The following HS6ST2 variants were observed in gnomAD, a reference collection of about 807,000 sequenced individuals.
The protein encoded by HS6ST2 is heparan sulfate 6-O-sulfotransferase 2, also known as heparan-sulfate 6-O-sulfotransferase 2.
A neutral mutation model predicts 33.0 loss-of-function variants in HS6ST2; 17 were observed. The observed-to-expected ratio is 0.52, with a 90% CI of 0.35 to 0.77. The LOEUF (loss-of-function observed/expected upper bound fraction) is 0.77. Ranked by LOEUF, HS6ST2 falls within the 30% of genes least tolerant of loss-of-function variation. The probability of loss-of-function intolerance (pLI) is 0.01; values close to 1 mark genes in which losing one functional copy is unlikely to be tolerated. For synonymous variants in HS6ST2, 248 were observed against 237.1 expected (o/e 1.05, Z -0.42); for missense variants, 519 against 551.7 (o/e 0.94, Z 0.59).
chrX:132,956,728 C>A, intron 2 of HS6ST2, 80 bp downstream of exon 2: 1 of 1,066,548 alleles, frequency 9.4e-7, no homozygotes, highest in African/African-American at 1.9e-5. Context: ...CGCGCTAGGT[C>A]CCCGGCTTGG....
At chrX:132,846,284 T>C (rs933363469) in intron 2 of HS6ST2, among the ~76,000 whole-genome samples, 1 of 112,214 alleles carries the variant, frequency 8.9e-6, no homozygotes, top group Non-Finnish European at 1.9e-5. Flanking sequence ...GGAAAAAACA[T>C]TTTAGTTGTC....
intron 2 of HS6ST2, among the ~76,000 whole-genome samples, chrX:132,839,568 A>G (rs1213971558): frequency 9.2e-6 from 1 of 109,267 alleles, no homozygotes; most frequent in Admixed American, 9.9e-5. Flanking sequence ...GAAGGGGTTG[A>G]GGGATGAGAA....
chrX:132,843,630 G>A (rs1318086326), intron 2 of HS6ST2, among the ~76,000 whole-genome samples: 2 of 111,595 alleles, frequency 1.8e-5, no homozygotes, highest in African/African-American at 6.5e-5. Context: ...ACAGAAACTA[G>A]TTAATTGGGC....
chrX:132,859,342 A>G (rs2065885484), intron 2 of HS6ST2, among the ~76,000 whole-genome samples: 1 of 111,767 alleles, frequency 8.9e-6, no homozygotes, highest in African/African-American at 3.3e-5. Flanking sequence ...AACTATATAC[A>G]GACAAGGATC....
chrX:132,732,396 T>C (rs1290993408), intron 2 of HS6ST2, among the ~76,000 whole-genome samples: 1 of 111,862 alleles, frequency 8.9e-6, no homozygotes, highest in East Asian at 2.8e-4. Flanking sequence ...TCGTTAGGCA[T>C]AGGAATAATA....
chrX:132,840,191 C>T (rs906788699), intron 2 of HS6ST2, among the ~76,000 whole-genome samples: 1 of 111,588 alleles, frequency 9.0e-6, no homozygotes, highest in African/African-American at 3.3e-5. Context: ...CTGGGTCAAC[C>T]ACTTGGCTCT....
chrX:132,869,616 G>A (rs1602780069), intron 2 of HS6ST2, among the ~76,000 whole-genome samples: 1 of 111,990 alleles, frequency 8.9e-6, no homozygotes, highest in Non-Finnish European at 1.9e-5. Context: ...TTCAACATAT[G>A]CAAATCAATA....
chrX:132,916,135 A>T (rs1346053393), intron 2 of HS6ST2, among the ~76,000 whole-genome samples: 1 of 111,772 alleles, frequency 8.9e-6, no homozygotes, highest in African/African-American at 3.3e-5. Flanking sequence ...TGTAGACAAA[A>T]GGTACTGTAA....
chrX:132,726,669 C>T lies in HS6ST2; in HGVS notation c.948-18175G>A, dbSNP rs187775605. Among the ~76,000 whole-genome samples the T allele has an allele frequency of 5.3e-5, 6 of 112,294 alleles. No individual in the cohort carries two copies. In the Admixed American group the frequency reaches 5.6e-4, roughly 11 times the overall value. On this transcript the variant is annotated intron_variant, in intron 2 of 4. Coordinates refer to ENST00000370833, the MANE Select transcript of HS6ST2 (RefSeq NM_001394073.1). ...CTTTAGCTGTCCCTGGCCTATCTGGCTATTCCTTCCAGCCCCTACTACCAG... is the reference window on the plus strand; with the variant it reads ...CTTTAGCTGTCCCTGGCCTATCTGGTTATTCCTTCCAGCCCCTACTACCAG...
intron 2 of HS6ST2, among the ~76,000 whole-genome samples, chrX:132,804,320 G>T (rs1418379528): frequency 8.9e-6 from 1 of 112,000 alleles, no homozygotes; most frequent in Non-Finnish European, 1.9e-5. Flanking sequence ...CCCCGAGCAA[G>T]TGTGCAGATA....
At chrX:132,671,155 T>A (rs2063873161) in intron 3 of HS6ST2, among the ~76,000 whole-genome samples, 1 of 112,505 alleles carries the variant, frequency 8.9e-6, no homozygotes, top group South Asian at 3.6e-4. Flanking sequence ...ATCCTGGCTA[T>A]CCTCCTCACA....
At chrX:132,919,770 T>C (rs528627448) in intron 2 of HS6ST2, among the ~76,000 whole-genome samples, 1 of 112,014 alleles carries the variant, frequency 8.9e-6, no homozygotes, top group South Asian at 3.8e-4. Context: ...CTGTTGCCAT[T>C]GGGAGGCATT....
intron 2 of HS6ST2, among the ~76,000 whole-genome samples, chrX:132,867,852 G>A (rs770935888): frequency 1.8e-4 from 20 of 111,481 alleles, no homozygotes; most frequent in Admixed American, 2.9e-4. Flanking sequence ...AAAGACCATC[G>A]ACACTATGAA....
At chrX:132,758,590 C>A (rs2064778744) in intron 2 of HS6ST2, among the ~76,000 whole-genome samples, 1 of 111,572 alleles carries the variant, frequency 9.0e-6, no homozygotes, top group South Asian at 3.9e-4. Flanking sequence ...AAGCTTTGCA[C>A]CCCACAGAAG....
chrX:132,959,311 G>A (rs1401140646), upstream of HS6ST2, among the ~76,000 whole-genome samples: 1 of 112,424 alleles, frequency 8.9e-6, no homozygotes, highest in Non-Finnish European at 1.9e-5. Context: ...GGAAAGAATG[G>A]ATGTTCCTTC....
intron 3 of HS6ST2, among the ~76,000 whole-genome samples, chrX:132,696,008 T>A (rs896344325): frequency 6.3e-5 from 7 of 111,299 alleles, no homozygotes; most frequent in African/African-American, 2.3e-4. Flanking sequence ...ACATAACTAA[T>A]CCTCTGAGTC....
chrX:132,827,040 G>A (rs1456633273), intron 2 of HS6ST2, among the ~76,000 whole-genome samples: 1 of 111,591 alleles, frequency 9.0e-6, no homozygotes, highest in Admixed American at 9.6e-5. Context: ...TGGGGAGGGT[G>A]GCAAAGGAAC....
At chrX:132,632,663 T>A (rs1390830969) in intron 4 of HS6ST2, among the ~76,000 whole-genome samples, 1 of 110,340 alleles carries the variant, frequency 9.1e-6, no homozygotes, top group African/African-American at 3.3e-5. Context: ...TTCAATTGTG[T>A]GTGCCATGAA....
intron 3 of HS6ST2, among the ~76,000 whole-genome samples, chrX:132,679,713 T>C (rs2063953406): frequency 1.8e-5 from 2 of 108,953 alleles, no homozygotes; most frequent in Non-Finnish European, 3.8e-5. Flanking sequence ...TGGGGTCTAT[T>C]TCACCCCTAC....
Sources: gnomAD v4.1 joint callset for allele counts (sites outside exome capture counted in the v4.1 genomes callset) on GRCh38, gnomAD v4.1.1 for gene constraint, MANE v1.5 for transcripts, NCBI Gene and HGNC (gene_info 2026-07-23, HGNC 2026-07-21) for gene names.